Variants in KCNN2 observed in about 807,000 individuals in gnomAD.
The protein encoded by KCNN2 is small conductance calcium-activated potassium channel protein 2.
A neutral mutation model predicts 55.5 loss-of-function variants in KCNN2; 24 were observed. That is an observed-to-expected ratio of 0.43 (90% CI 0.31 to 0.61). The LOEUF is 0.61. KCNN2 is among the 20% of genes least tolerant of loss of function. The probability of loss-of-function intolerance (pLI) is 0.08; values close to 1 mark genes in which losing one functional copy is unlikely to be tolerated. For missense variants in KCNN2, 754 were observed against 853.6 expected, an observed-to-expected ratio of 0.88 and a Z score of 1.45; for synonymous variants, 431 against 336.1, an observed-to-expected ratio of 1.28 and a Z score of -3.09.
At chr5:114,354,065 T>C (rs1410655554) in intron 2 of KCNN2, among the ~76,000 whole-genome samples, 1 of 151,994 alleles carries the variant, frequency 6.6e-6, no homozygotes, top group Non-Finnish European at 1.5e-5. Flanking sequence ...GTGCATGTAG[T>C]GGTGTCTCAC....
At chr5:114,216,241 C>T (rs1397907901) in intron 1 of KCNN2, among the ~76,000 whole-genome samples, 1 of 152,004 alleles carries the variant, frequency 6.6e-6, no homozygotes, top group Admixed American at 6.6e-5. Context: ...AAATTATTTC[C>T]TCATTTTTTT....
At chr5:114,130,910 G>A (rs1040427939) in intron 1 of KCNN2, among the ~76,000 whole-genome samples, 1 of 152,088 alleles carries the variant, frequency 6.6e-6, no homozygotes, top group African/African-American at 2.4e-5. Context: ...TTACTACTCT[G>A]TCTGCATCAG....
intron 2 of KCNN2, among the ~76,000 whole-genome samples, chr5:114,271,678 T>C (rs1054272130): frequency 6.6e-6 from 1 of 152,230 alleles, no homozygotes; most frequent in African/African-American, 2.4e-5. Context: ...TTACTCACTA[T>C]ATTCTTCCTC....
intron 1 of KCNN2, among the ~76,000 whole-genome samples, chr5:114,186,589 C>T (rs1753339511): frequency 6.6e-6 from 1 of 152,108 alleles, no homozygotes; most frequent in South Asian, 2.1e-4. Flanking sequence ...TGCCTATGTG[C>T]TGAAGTTAGG....
chr5:114,244,277 C>A (rs982343704), intron 2 of KCNN2, among the ~76,000 whole-genome samples: 7 of 151,886 alleles, frequency 4.6e-5, no homozygotes, highest in African/African-American at 1.7e-4. Flanking sequence ...AATTTTTGGA[C>A]CTAAGAGCAA....
chr5:114,368,864 T>C (rs1186630101), intron 2 of KCNN2, among the ~76,000 whole-genome samples: 1 of 60,290 alleles, frequency 1.7e-5, no homozygotes, highest in African/African-American at 5.2e-5. Flanking sequence ...AGTAGGGACC[T>C]ATTTCATTTT....
intron 2 of KCNN2, among the ~76,000 whole-genome samples, chr5:114,392,840 A>G (rs1187388104): frequency 6.7e-6 from 1 of 150,150 alleles, no homozygotes; most frequent in Admixed American, 6.6e-5. Context: ...GTTACATCCA[A>G]ATGCTAGTTT....
At chr5:114,315,000 C>T (rs1756471892) in intron 2 of KCNN2, among the ~76,000 whole-genome samples, 1 of 152,132 alleles carries the variant, frequency 6.6e-6, no homozygotes, top group Admixed American at 6.6e-5. Context: ...GCTGCCTCCT[C>T]ATCCACAGCT....
chr5:114,192,533 G>A (rs1294556303), intron 1 of KCNN2, among the ~76,000 whole-genome samples: 1 of 152,050 alleles, frequency 6.6e-6, no homozygotes, highest in African/African-American at 2.4e-5. Flanking sequence ...GGGGTAGCTG[G>A]ATTAAAGATG....
chr5:114,391,775 T>A (rs1244892926), intron 2 of KCNN2, among the ~76,000 whole-genome samples: 1 of 152,204 alleles, frequency 6.6e-6, no homozygotes, highest in African/African-American at 2.4e-5. Flanking sequence ...TACTTTCAGC[T>A]GCTCAAGTAA....
chr5:114,202,597 T>TTAA (rs1334164100), intron 1 of KCNN2, among the ~76,000 whole-genome samples: 3 of 136,432 alleles, frequency 2.2e-5, no homozygotes, highest in African/African-American at 9.3e-5. Context: ...TTTTTTTTTT[T>TTAA]TTTTCCCGAG....
chr5:114,209,547 G>A (rs779800694), intron 1 of KCNN2, among the ~76,000 whole-genome samples: 2 of 151,992 alleles, frequency 1.3e-5, no homozygotes, highest in African/African-American at 2.4e-5. Flanking sequence ...TGTATCAACA[G>A]GACACATGTA....
chr5:114,169,595 A>T (rs545496273), intron 1 of KCNN2, among the ~76,000 whole-genome samples: 1 of 152,216 alleles, frequency 6.6e-6, no homozygotes, highest in East Asian at 1.9e-4. Context: ...CAGAGCCGTT[A>T]TTATGTGCTC....
At chr5:114,110,707 T>C (rs923338526) in intron 1 of KCNN2, among the ~76,000 whole-genome samples, 1 of 152,014 alleles carries the variant, frequency 6.6e-6, no homozygotes, top group African/African-American at 2.4e-5. Context: ...GCCTCGTGCC[T>C]TAGTTTGGGA....
At chr5:114,069,832 G>C (rs1750529531) in intron 1 of KCNN2, among the ~76,000 whole-genome samples, 2 of 152,184 alleles carry the variant, frequency 1.3e-5, no homozygotes, top group Non-Finnish European at 2.9e-5. Context: ...CTCAGCTAAA[G>C]GTTAGAGATG....
At chr5:114,453,519 G>A (rs1266588792) in intron 3 of KCNN2, among the ~76,000 whole-genome samples, 1 of 152,100 alleles carries the variant, frequency 6.6e-6, no homozygotes, top group Admixed American at 6.5e-5. Flanking sequence ...ATTCTCAGTA[G>A]AATCTTCCCT....
intron 2 of KCNN2, among the ~76,000 whole-genome samples, chr5:114,392,964 C>T (rs1284904361): frequency 2.0e-5 from 3 of 151,548 alleles, no homozygotes; most frequent in Non-Finnish European, 2.9e-5. Context: ...TTGGAAGTTC[C>T]TTGTCATGGG....
At chr5:114,445,187 CCTT>C (rs1216818335) in intron 3 of KCNN2, among the ~76,000 whole-genome samples, 3 of 152,116 alleles carry the variant, frequency 2.0e-5, no homozygotes, top group Non-Finnish European at 2.9e-5. Context: ...GGGCAGCTGG[CCTT>C]CTTTAGCTGT....
chr5:114,087,462 AAGGT>A (rs1751040410), intron 1 of KCNN2, among the ~76,000 whole-genome samples: 1 of 152,076 alleles, frequency 6.6e-6, no homozygotes, highest in African/African-American at 2.4e-5. Context: ...TATATGGTAA[AAGGT>A]AGGGGTCCAG....
Sources: allele counts gnomAD v4.1 joint callset (sites outside exome capture counted in the v4.1 genomes callset), GRCh38; gene constraint gnomAD v4.1.1; transcripts MANE v1.5; gene names NCBI Gene and HGNC (gene_info 2026-07-23, HGNC 2026-07-21).